FAM76A: variants seen among roughly 807,000 people sequenced by gnomAD.
FAM76A encodes family with sequence similarity 76 member A, also known as protein FAM76A.
A neutral mutation model predicts 46.2 loss-of-function variants in FAM76A; 32 were observed. The observed-to-expected ratio is 0.69, with a 90% CI of 0.52 to 0.93. The LOEUF is 0.93. Ranked by LOEUF, FAM76A falls within the 40% of genes least tolerant of loss-of-function variation. The probability of loss-of-function intolerance (pLI) is 0.00; values close to 1 mark genes in which losing one functional copy is unlikely to be tolerated. For missense variants in FAM76A, 274 were observed against 361.5 expected, an observed-to-expected ratio of 0.76 and a Z score of 1.96; for synonymous variants, 137 against 127.0, an observed-to-expected ratio of 1.08 and a Z score of -0.53.
chr1:27,735,291 C>A (rs1364762231), intron 4 of FAM76A, among the ~76,000 whole-genome samples: 1 of 152,178 alleles, frequency 6.6e-6, no homozygotes, highest in Non-Finnish European at 1.5e-5. Flanking sequence ...TTATTGTCTT[C>A]ATAGCATCTC....
intron 2 of FAM76A, 48 bp downstream of exon 2, chr1:27,727,584 TA>T (rs1557772516): frequency 2.9e-6 from 4 of 1,395,916 alleles, no homozygotes; most frequent in Non-Finnish European, 4.1e-6. Flanking sequence ...TTTTTCCTCT[TA>T]AAATCTGTAA....
At chr1:27,758,225 A>G (rs957434151) in intron 7 of FAM76A, among the ~76,000 whole-genome samples, 1 of 152,236 alleles carries the variant, frequency 6.6e-6, no homozygotes, top group East Asian at 1.9e-4. Context: ...TAATATGTCC[A>G]AACCACACAG....
rs1490957936 is a variant in FAM76A, at chr1:27,726,020, A to T, written c.-61A>T. 8.2e-7 allele frequency: 1 copy of T among 1,226,762 alleles called. No homozygotes were observed. Among genetic ancestry groups the T allele is most frequent in the Non-Finnish European group, 1.0e-6 (1 of 975,526 alleles). 76.0% of individuals were successfully genotyped at this position (1,226,762 alleles called of 1,614,324 possible). A position where few individuals can be genotyped will look rare whatever the true frequency, so the allele number is the denominator to read the frequency against. On this transcript the variant is annotated 5_prime_UTR_variant, in exon 1 of 9. Transcript: ENST00000373954. ...TGCAGCCGCCGCCGGGTTGTGCCTCAGACTGTCAGATAAATCGGCGGGCCG... is the reference window on the plus strand; with the variant it reads ...TGCAGCCGCCGCCGGGTTGTGCCTCTGACTGTCAGATAAATCGGCGGGCCG...
intron 5 of FAM76A, among the ~76,000 whole-genome samples, chr1:27,745,776 G>A (rs367787026): frequency 2.6e-5 from 4 of 151,670 alleles, no homozygotes; most frequent in East Asian, 1.9e-4. Context: ...GGGAAGGAAT[G>A]GGCAGAGGCA....
rs928857854 is a variant in FAM76A, at chr1:27,744,568, A to G, written c.355-86A>G. ...CACATAAGTTTCAGAACTGGGACTG[A>G]ACCCAAAGATTCTAGCTCCCAATAC... On this transcript the variant is annotated intron_variant, in intron 4 of 8. Coordinates refer to ENST00000373954, the MANE Select transcript of FAM76A (RefSeq NM_152660.3). The G allele has an allele frequency of 3.4e-6, 5 of 1,451,370 alleles. No homozygotes were observed. The African/African-American group carries it at 7.0e-5, about 20-fold the overall frequency. 89.9% of individuals were successfully genotyped at this position (1,451,370 alleles called of 1,614,324 possible). A position where few individuals can be genotyped will look rare whatever the true frequency, so the allele number is the denominator to read the frequency against.
chr1:27,736,179 G>A (rs111783001), intron 4 of FAM76A, among the ~76,000 whole-genome samples: 26,272 of 151,838 alleles, frequency 0.17, 6,002 homozygotes, highest in African/African-American at 0.52. Context: ...AAAATTAACC[G>A]GGCGTGGTGG....
intron 7 of FAM76A, among the ~76,000 whole-genome samples, chr1:27,757,290 T>G (rs2088426815): frequency 6.8e-6 from 1 of 147,976 alleles, no homozygotes; most frequent in African/African-American, 2.5e-5. Flanking sequence ...ACTCCTGGGT[T>G]TAAGTGATTC....
chr1:27,751,515 T>A (rs1212705513), intron 6 of FAM76A, among the ~76,000 whole-genome samples: 4 of 148,724 alleles, frequency 2.7e-5, no homozygotes, highest in African/African-American at 1.0e-4. Context: ...TTTTTTTTTC[T>A]TTTTTTTGAG....
intron 4 of FAM76A, chr1:27,740,354 G>C: frequency 9.4e-7 from 1 of 1,067,964 alleles, no homozygotes. Flanking sequence ...AAATAGATAC[G>C]GCCTTGGTTA....
chr1:27,747,313 T>C (rs1056861680), intron 5 of FAM76A, among the ~76,000 whole-genome samples: 1 of 152,172 alleles, frequency 6.6e-6, no homozygotes, highest in Non-Finnish European at 1.5e-5. Context: ...CTACAAGCAT[T>C]CAGTATTTAA....
chr1:27,751,642 C>T (rs1011260475), intron 6 of FAM76A, among the ~76,000 whole-genome samples: 1 of 151,122 alleles, frequency 6.6e-6, no homozygotes, highest in Non-Finnish European at 1.5e-5. Flanking sequence ...GTAGCTGGGA[C>T]TATAGACATG....
intron 4 of FAM76A, chr1:27,740,055 GT>G: frequency 2.5e-6 from 1 of 404,934 alleles, no homozygotes; most frequent in Admixed American, 2.9e-5. Context: ...CCACCTGGAT[GT>G]CATGGATGGG....
At chr1:27,748,682 C>T (rs1426019977) in intron 5 of FAM76A, among the ~76,000 whole-genome samples, 1 of 142,256 alleles carries the variant, frequency 7.0e-6, no homozygotes, top group Admixed American at 7.1e-5. Context: ...GGGGTTTCAC[C>T]GTGTTAGCCA....
intron 3 of FAM76A, 40 bp from the exon 4 acceptor site, chr1:27,733,991 T>A: frequency 1.3e-6 from 2 of 1,576,584 alleles, no homozygotes; most frequent in Admixed American, 3.9e-5. Flanking sequence ...TGGTATTTTA[T>A]GAAAGTAATA....
chr1:27,726,175 G>T lies in FAM76A; in HGVS notation c.81+14G>T. 1 of 1,274,500 alleles carries T rather than the reference G, an allele frequency of 7.8e-7. No homozygotes were observed. The highest frequency in any genetic ancestry group is 3.6e-5 in the Admixed American group (1 of 27,668). The allele number at this position is 1,274,500 out of a possible 1,614,324, so 78.9% of individuals were successfully genotyped here. On this transcript the variant is annotated intron_variant, in intron 1 of 8. Coordinates refer to ENST00000373954, the MANE Select transcript of FAM76A (RefSeq NM_152660.3). ...CAGCTGTGCAAGGTGCGCGGGCTGG[G>T]GCGGCGGCCGGGAACTGGGGACGCA...
At chr1:27,756,557 T>G (rs2148587022) in intron 7 of FAM76A, among the ~76,000 whole-genome samples, 1 of 151,964 alleles carries the variant, frequency 6.6e-6, no homozygotes, top group Non-Finnish European at 1.5e-5. Flanking sequence ...TCCCAAAGTG[T>G]TGGGATTACA....
intron 1 of FAM76A, 152 bp downstream of exon 1, chr1:27,726,313 C>A: frequency 3.3e-6 from 2 of 613,036 alleles, no homozygotes; most frequent in Non-Finnish European, 4.6e-6. Context: ...TGGGGGCCGG[C>A]GGGGCACGTG....
At chr1:27,735,156 C>T (rs962595781) in intron 4 of FAM76A, among the ~76,000 whole-genome samples, 8 of 152,220 alleles carry the variant, frequency 5.3e-5, no homozygotes, top group Admixed American at 6.5e-5. Context: ...ACTGTCTGTC[C>T]TTGTGCCTAA....
At chr1:27,740,830 T>A (rs2088138347) in intron 4 of FAM76A, among the ~76,000 whole-genome samples, 2 of 152,122 alleles carry the variant, frequency 1.3e-5, no homozygotes, top group South Asian at 4.1e-4. Flanking sequence ...GTGAAGCAAT[T>A]TAACAATTCA....
Sources: allele counts gnomAD v4.1 joint callset (sites outside exome capture counted in the v4.1 genomes callset), GRCh38; gene constraint gnomAD v4.1.1; transcripts MANE v1.5; gene names NCBI Gene and HGNC (gene_info 2026-07-23, HGNC 2026-07-21).